FRAS1: variants seen among roughly 807,000 people sequenced by gnomAD.
FRAS1 encodes the protein Fraser extracellular matrix complex subunit 1, also known as extracellular matrix organizing protein FRAS1.
A neutral mutation model predicts 435.2 loss-of-function variants in FRAS1; 290 were observed. The ratio of observed to expected loss-of-function variants is 0.67; its 90% CI spans 0.61 to 0.73. The LOEUF is 0.73. FRAS1 is among the 30% of genes least tolerant of loss of function. The pLI is 0.00. For missense variants in FRAS1, 4,860 were observed against 5,001.5 expected (o/e 0.97, Z 0.85); for synonymous variants, 1,800 against 1,851.0 (o/e 0.97, Z 0.71).
At chr4:78,397,735 A>G (rs946010985) in intron 29 of FRAS1, among the ~76,000 whole-genome samples, 1 of 152,160 alleles carries the variant, frequency 6.6e-6, no homozygotes, top group African/African-American at 2.4e-5. Flanking sequence ...CTGTGAAGAC[A>G]TATTAATCCC....
At chr4:78,085,983 C>T (rs1013936826) in intron 2 of FRAS1, among the ~76,000 whole-genome samples, 3 of 152,258 alleles carry the variant, frequency 2.0e-5, no homozygotes, top group Non-Finnish European at 4.4e-5. Context: ...TTCTTTTCAG[C>T]ACCACACCAC....
At chr4:78,255,892 A>G (rs1725771504) in intron 6 of FRAS1, among the ~76,000 whole-genome samples, 1 of 152,248 alleles carries the variant, frequency 6.6e-6, no homozygotes, top group Non-Finnish European at 1.5e-5. Flanking sequence ...CTGATTCTCA[A>G]AACATTAGAC....
chr4:78,066,990 G>T (rs1740070337), intron 2 of FRAS1, among the ~76,000 whole-genome samples: 2 of 151,700 alleles, frequency 1.3e-5, no homozygotes, highest in Admixed American at 6.6e-5. Context: ...CATTTTTATT[G>T]TATTTGTCAT....
intron 33 of FRAS1, among the ~76,000 whole-genome samples, chr4:78,420,879 CATATATATATATATATATATAT>C (rs72430754): frequency 0.21 from 20,194 of 95,886 alleles, 2,566 homozygotes; most frequent in Non-Finnish European, 0.27. Context: ...ACTAATAGGA[CATATATATATATATATATATAT>C]ATATATATAT....
intron 10 of FRAS1, among the ~76,000 whole-genome samples, chr4:78,279,988 TCA>T (rs746578743): frequency 5.9e-5 from 9 of 152,208 alleles, no homozygotes; most frequent in Non-Finnish European, 8.8e-5. Context: ...TAGCCACTTA[TCA>T]CACACTGTGG....
At chr4:78,476,627 T>C (rs1238330516) in intron 54 of FRAS1, among the ~76,000 whole-genome samples, 1 of 152,206 alleles carries the variant, frequency 6.6e-6, no homozygotes, top group Non-Finnish European at 1.5e-5. Context: ...GATAAGCTAA[T>C]GTCTTTCAGC....
rs756081771 is a variant in FRAS1, at chr4:78,519,323, C to T, written c.10390-8C>T. 3.9e-6 allele frequency: 6 copies of T among 1,519,280 alleles called. No homozygotes were observed. The African/African-American group carries it at 4.3e-5, about 11-fold the overall frequency. 94.1% of individuals were successfully genotyped at this position (1,519,280 alleles called of 1,614,324 possible). On this transcript the variant is annotated splice_polypyrimidine_tract_variant and splice_region_variant and intron_variant, in intron 66 of 73. Coordinates refer to ENST00000512123, the MANE Select transcript of FRAS1 (RefSeq NM_025074.7). Reference sequence around the variant, plus strand: ...AATAACTCTGTGTGCATACTGCTTCCTCGGCAGGTGAGGGACTCTGCCCAG... The same window carrying T: ...AATAACTCTGTGTGCATACTGCTTCTTCGGCAGGTGAGGGACTCTGCCCAG...
rs200162308 is a variant in FRAS1, at chr4:78,234,329, C to T, written c.109-3181C>T. Among the ~76,000 whole-genome samples, 102 of 152,134 alleles carry T rather than the reference C, an allele frequency of 6.7e-4. 1 individual carries two copies. The East Asian group carries it at 0.015, about 23-fold the overall frequency. ...CAAGCTCCGCCTCCCGGGTTCACGC[C>T]ATTCTCCTGCCTCTGCCTCCCGAGT... On this transcript the variant is annotated intron_variant, in intron 2 of 73. Coordinates refer to ENST00000512123, the MANE Select transcript of FRAS1 (RefSeq NM_025074.7).
chr4:78,124,610 T>C (rs956673631), intron 2 of FRAS1, among the ~76,000 whole-genome samples: 10 of 152,334 alleles, frequency 6.6e-5, no homozygotes, highest in African/African-American at 2.4e-4. Flanking sequence ...TCCTGGACTT[T>C]TTTTTGGTTG....
At chr4:78,506,526 C>A (rs927537557) in intron 61 of FRAS1, among the ~76,000 whole-genome samples, 16 of 136,812 alleles carry the variant, frequency 1.2e-4, no homozygotes, top group South Asian at 5.6e-4. Flanking sequence ...TAGCAGCGAG[C>A]AAAGCTCCAT....
At chr4:78,422,437 T>G (rs1470703823) in intron 34 of FRAS1, among the ~76,000 whole-genome samples, 1 of 152,182 alleles carries the variant, frequency 6.6e-6, no homozygotes, top group African/African-American at 2.4e-5. Flanking sequence ...ATAATCAGAC[T>G]GACCTAGACT....
chr4:78,108,976 C>T lies in FRAS1; in HGVS notation c.108+42960C>T, dbSNP rs1187286255. On this transcript the variant is annotated intron_variant, in intron 2 of 73. Transcript: ENST00000512123. ...TCAGAGAATACTACAAACACCTCTA[C>T]GCAAATAAACTAGAAAATCTAGAAG... Among the ~76,000 whole-genome samples the T allele has an allele frequency of 6.7e-5, 5 of 75,148 alleles. No individual in the cohort carries two copies. In the South Asian group the frequency reaches 1.9e-3, roughly 29 times the overall value. 49.3% of individuals were successfully genotyped at this position (75,148 alleles called of 152,430 possible).
At chr4:78,196,339 T>A (rs942289472) in intron 2 of FRAS1, among the ~76,000 whole-genome samples, 12 of 152,242 alleles carry the variant, frequency 7.9e-5, no homozygotes, top group African/African-American at 2.6e-4. Flanking sequence ...TCATATCTTA[T>A]TGATTGTAGT....
At chr4:78,145,047 T>G (rs372818210) in intron 2 of FRAS1, among the ~76,000 whole-genome samples, 89 of 152,328 alleles carry the variant, frequency 5.8e-4, no homozygotes, top group African/African-American at 2.1e-3. Flanking sequence ...TTTTTAAATT[T>G]CCCTTTAGAA....
At chr4:78,219,622 A>G (rs1251513323) in intron 2 of FRAS1, among the ~76,000 whole-genome samples, 3 of 152,232 alleles carry the variant, frequency 2.0e-5, no homozygotes, top group African/African-American at 7.2e-5. Context: ...ATATTTGTGT[A>G]AGATACCTGT....
At chr4:78,359,866 ATCATGCAGTATATGTTTGGGG>A (rs1731008305) in intron 20 of FRAS1, among the ~76,000 whole-genome samples, 1 of 152,178 alleles carries the variant, frequency 6.6e-6, no homozygotes, top group African/African-American at 2.4e-5. Flanking sequence ...CACTCACTCC[ATCATGCAGTATATGTTTGGGG>A]ACTGATCTGA....
chr4:78,507,563 A>G lies in FRAS1; in HGVS notation c.9459A>G (p.Leu3153=). 1.2e-6 allele frequency: 2 copies of G among 1,608,884 alleles called. No individual in the cohort carries two copies. The highest frequency in any genetic ancestry group is 2.2e-5 in the South Asian group (2 of 89,580). Residue 3153 remains leucine, a synonymous_variant, in exon 62 of 74, where the codon CTA becomes CTG. Coordinates refer to ENST00000512123, the MANE Select transcript of FRAS1 (RefSeq NM_025074.7). ...GDVTTATVTI[L]DQEAAGSLIL... ...TGACTACTGCCACGGTGACAATTCT[A>G]GACCAGGAGGCAGCAGGGAGCCTCA...
At chr4:78,284,349 A>C in intron 12 of FRAS1, 56 bp from the exon 13 acceptor site, 6 of 1,556,968 alleles carry the variant, frequency 3.9e-6, no homozygotes, top group African/African-American at 1.4e-5. Context: ...GAAGGATGTA[A>C]GAGAAATAAT....
chr4:78,057,435 G>T lies in FRAS1; in HGVS notation c.-575G>T. 1 of 153,472 alleles carries T rather than the reference G, an allele frequency of 6.5e-6. No homozygotes were observed. Among genetic ancestry groups the T allele is most frequent in the Non-Finnish European group, 1.5e-5 (1 of 68,824 alleles). 9.5% of individuals were successfully genotyped at this position (153,472 alleles called of 1,614,324 possible). ...CCGGAGCTGCCCTCAGCGCTGCACA[G>T]TTTCCAGCGAGCGGACCCCGGCAGA... On this transcript the variant is annotated 5_prime_UTR_variant, in exon 1 of 74. Transcript: ENST00000512123. This position sits in a 1 kb window ranked among gnomAD's most constrained non-coding sequence, Gnocchi z 4.2.
Sources: gnomAD v4.1 joint callset for allele counts (sites outside exome capture counted in the v4.1 genomes callset) on GRCh38, gnomAD v4.1.1 for gene constraint, Gnocchi (gnomAD v3.1) non-coding constraint, MANE v1.5 for transcripts, NCBI Gene and HGNC (gene_info 2026-07-23, HGNC 2026-07-21) for gene names.